The following EHBP1 variants were observed in gnomAD, a reference collection of about 807,000 sequenced individuals.
EHBP1 encodes EH domain binding protein 1.
EHBP1 carries 55 observed loss-of-function variants against 144.0 expected under a neutral mutation model. The observed-to-expected ratio is 0.38, with a 90% CI of 0.31 to 0.48. The LOEUF is 0.48. Ranked by LOEUF, EHBP1 falls within the 20% of genes least tolerant of loss-of-function variation. The pLI, the probability that EHBP1 is intolerant of heterozygous loss-of-function variation, is 0.98. For synonymous variants in EHBP1, 469 were observed against 472.7 expected (o/e 0.99, Z 0.10); for missense variants, 1,200 against 1,364.2 (o/e 0.88, Z 1.90).
intron 2 of EHBP1, among the ~76,000 whole-genome samples, chr2:62,718,143 T>A (rs1342389998): frequency 6.6e-6 from 1 of 152,198 alleles, no homozygotes; most frequent in Non-Finnish European, 1.5e-5. Flanking sequence ...AGATAATGTT[T>A]ATGTTGACCA....
chr2:62,985,244 C>T (rs550698465), intron 15 of EHBP1, among the ~76,000 whole-genome samples: 6 of 152,236 alleles, frequency 3.9e-5, no homozygotes, highest in Admixed American at 6.5e-5. Flanking sequence ...GATGGTGTCA[C>T]GTGCATAGGG....
At chr2:62,847,276 A>C (rs1002085106) in intron 7 of EHBP1, among the ~76,000 whole-genome samples, 1 of 152,092 alleles carries the variant, frequency 6.6e-6, no homozygotes, top group African/African-American at 2.4e-5. Context: ...ATGAACCTCA[A>C]CCCCCACCTC....
At chr2:62,945,428 T>C (rs1342126424) in intron 12 of EHBP1, among the ~76,000 whole-genome samples, 1 of 152,204 alleles carries the variant, frequency 6.6e-6, no homozygotes, top group Non-Finnish European at 1.5e-5. Context: ...AAATTACTAG[T>C]GATACAAAGT....
chr2:62,855,130 G>A (rs556809654), intron 7 of EHBP1, among the ~76,000 whole-genome samples: 190 of 152,344 alleles, frequency 1.2e-3, no homozygotes, highest in Middle Eastern at 3.4e-3. Flanking sequence ...TGTGGGCCTG[G>A]GAAGGCTTCC....
chr2:62,809,292 G>GAAAAAAAAAA (rs985494969), intron 5 of EHBP1, among the ~76,000 whole-genome samples: 1 of 46,566 alleles, frequency 2.1e-5, no homozygotes, highest in African/African-American at 7.3e-5. Flanking sequence ...CTATGTCTCA[G>GAAAAAAAAAA]AAAAAAAAAA....
intron 19 of EHBP1, among the ~76,000 whole-genome samples, chr2:63,016,721 G>A (rs932178953): frequency 5.3e-5 from 8 of 152,054 alleles, no homozygotes; most frequent in African/African-American, 1.2e-4. Context: ...ATGAGCCATC[G>A]CGCCCAGCCT....
chr2:62,868,210 A>G (rs997565540), intron 9 of EHBP1, among the ~76,000 whole-genome samples: 8 of 152,068 alleles, frequency 5.3e-5, no homozygotes, highest in African/African-American at 1.2e-4. Flanking sequence ...CCCTGTCTCT[A>G]CTAAAAAAAA....
chr2:62,976,764 A>G (rs965779674), intron 14 of EHBP1, among the ~76,000 whole-genome samples: 12 of 152,070 alleles, frequency 7.9e-5, no homozygotes, highest in Non-Finnish European at 1.5e-4. Context: ...TTATTTCTCA[A>G]CTACCTACTA....
intron 5 of EHBP1, among the ~76,000 whole-genome samples, chr2:62,804,035 A>G (rs1470895590): frequency 6.6e-6 from 1 of 152,230 alleles, no homozygotes; most frequent in South Asian, 2.1e-4. Context: ...CTGCCTGACA[A>G]CTAGTAAGTA....
intron 10 of EHBP1, among the ~76,000 whole-genome samples, chr2:62,936,547 G>A (rs2056398465): frequency 6.6e-6 from 1 of 152,052 alleles, no homozygotes; most frequent in Admixed American, 6.6e-5. Context: ...TCCACCAAAA[G>A]TGCAACTCTA....
At chr2:62,879,941 T>C (rs1408694810) in intron 10 of EHBP1, among the ~76,000 whole-genome samples, 1 of 152,088 alleles carries the variant, frequency 6.6e-6, no homozygotes, top group East Asian at 1.9e-4. Context: ...GAACAAAGCT[T>C]GAGGCATCAC....
chr2:62,985,603 A>G (rs901504429), intron 15 of EHBP1, among the ~76,000 whole-genome samples: 1 of 152,136 alleles, frequency 6.6e-6, no homozygotes, highest in Non-Finnish European at 1.5e-5. Flanking sequence ...TTTGCCTTTC[A>G]AGTCTTACCT....
intron 10 of EHBP1, among the ~76,000 whole-genome samples, chr2:62,878,756 C>T (rs1259735517): frequency 6.6e-6 from 1 of 152,002 alleles, no homozygotes; most frequent in Non-Finnish European, 1.5e-5. Flanking sequence ...TACCTGTAAT[C>T]CTAGCACTTT....
intron 14 of EHBP1, among the ~76,000 whole-genome samples, chr2:62,964,035 C>T (rs1020081720): frequency 1.3e-5 from 2 of 152,024 alleles, no homozygotes; most frequent in East Asian, 1.9e-4. Flanking sequence ...GTTTTTATTC[C>T]GTATTATTTT....
chr2:62,900,984 G>A (rs2053369471), intron 10 of EHBP1, among the ~76,000 whole-genome samples: 1 of 152,058 alleles, frequency 6.6e-6, no homozygotes, highest in South Asian at 2.1e-4. Context: ...CTTATATTCA[G>A]TTTTGCCTTA....
chr2:62,821,071 G>T (rs1013191790), intron 5 of EHBP1, among the ~76,000 whole-genome samples: 1 of 151,656 alleles, frequency 6.6e-6, no homozygotes, highest in Non-Finnish European at 1.5e-5. Context: ...TCTTGTAAGA[G>T]ACCTGATAAA....
intron 14 of EHBP1, among the ~76,000 whole-genome samples, chr2:62,977,795 T>C (rs2058783034): frequency 6.6e-6 from 1 of 152,166 alleles, no homozygotes; most frequent in Admixed American, 6.5e-5. Context: ...AAAAATAACA[T>C]ATACACGTAG....
chr2:62,872,547 G>C (rs912741277), intron 9 of EHBP1, among the ~76,000 whole-genome samples: 1 of 152,022 alleles, frequency 6.6e-6, no homozygotes, highest in Non-Finnish European at 1.5e-5. Flanking sequence ...TACTATCTCT[G>C]TACAGCCACT....
At chr2:62,917,405 G>A (rs920060143) in intron 10 of EHBP1, among the ~76,000 whole-genome samples, 1 of 152,112 alleles carries the variant, frequency 6.6e-6, no homozygotes, top group African/African-American at 2.4e-5. Context: ...GAAACATTAT[G>A]CAGTACGTGA....
Sources: allele counts gnomAD v4.1 joint callset (sites outside exome capture counted in the v4.1 genomes callset), GRCh38; gene constraint gnomAD v4.1.1; transcripts MANE v1.5; gene names NCBI Gene and HGNC (gene_info 2026-07-23, HGNC 2026-07-21).